The following SND1 variants were observed in gnomAD, a reference collection of about 807,000 sequenced individuals.
SND1 encodes staphylococcal nuclease domain-containing protein 1.
SND1 carries 38 observed loss-of-function variants against 121.7 expected under a neutral mutation model. The observed-to-expected ratio is 0.31, with a 90% CI of 0.24 to 0.41. The LOEUF (loss-of-function observed/expected upper bound fraction) is 0.41, where lower values mean the gene tolerates loss of function less well. SND1 is among the 10% of genes least tolerant of loss of function. SND1 has a pLI of 1.00. For synonymous variants in SND1, 401 were observed against 447.4 expected (o/e 0.90, Z 1.31); for missense variants, 868 against 1,184.6 (o/e 0.73, Z 3.92).
At chr7:127,967,758 G>A (rs750890520) in intron 15 of SND1, among the ~76,000 whole-genome samples, 2 of 152,220 alleles carry the variant, frequency 1.3e-5, no homozygotes, top group African/African-American at 2.4e-5. Flanking sequence ...AACTATAGTT[G>A]CTAAAAAATA....
intron 1 of SND1, among the ~76,000 whole-genome samples, chr7:127,668,493 G>C (rs712706): frequency 6.6e-6 from 1 of 152,178 alleles, no homozygotes; most frequent in Non-Finnish European, 1.5e-5. Flanking sequence ...GACCATGTCT[G>C]TCCTATTCAC....
chr7:127,762,870 A>G (rs1200080607), intron 10 of SND1, among the ~76,000 whole-genome samples: 1 of 152,212 alleles, frequency 6.6e-6, no homozygotes, highest in Non-Finnish European at 1.5e-5. Flanking sequence ...CAATGGCATC[A>G]TGTTTTGCTG....
In SND1 at chr7:128,092,557, C is replaced by G. The variant is rs549239302; in HGVS notation, c.*499C>G. 2.4e-4 allele frequency: 40 copies of G among 163,318 alleles called. No individual in the cohort carries two copies. In the South Asian group the frequency reaches 4.3e-3, roughly 17 times the overall value. The allele number at this position is 163,318 out of a possible 1,614,324, so 10.1% of individuals were successfully genotyped here. A position where few individuals can be genotyped will look rare whatever the true frequency, so the allele number is the denominator to read the frequency against. Reference sequence around the variant, plus strand: ...TGGCCAGCCCATTCTGTATTTAAAGCTTTTGAGGCCCAATAAAATAGTACG... The same window carrying G: ...TGGCCAGCCCATTCTGTATTTAAAGGTTTTGAGGCCCAATAAAATAGTACG... On this transcript the variant is annotated 3_prime_UTR_variant, in exon 24 of 24. Transcript: ENST00000354725. The surrounding 1 kb of genome is among the most constrained non-coding windows in gnomAD (Gnocchi z 4.9).
rs190570836 is a variant in SND1 at position 127,697,042 on chromosome 7, A to T, written c.350-1833A>T. On this transcript the variant is annotated intron_variant, in intron 3 of 23. Coordinates refer to ENST00000354725, the MANE Select transcript of SND1 (RefSeq NM_014390.4). ...GATAATTAGCATTTGTGTTTATTTT[A>T]TTGCTACCCACTTTTTTTTATGATG... 6.3e-3 allele frequency among the ~76,000 whole-genome samples: 954 copies of T among 152,306 alleles called. 5 individuals are homozygous for T. The highest frequency in any genetic ancestry group is 0.034 in the South Asian group (162 of 4,832).
At chr7:127,830,567 T>G (rs938570144) in intron 11 of SND1, among the ~76,000 whole-genome samples, 1 of 152,214 alleles carries the variant, frequency 6.6e-6, no homozygotes, top group Non-Finnish European at 1.5e-5. Context: ...GCTTTTCTAT[T>G]TGGACATCTT....
At chr7:127,976,213 C>G (rs1802116960) in intron 15 of SND1, among the ~76,000 whole-genome samples, 1 of 152,204 alleles carries the variant, frequency 6.6e-6, no homozygotes, top group Non-Finnish European at 1.5e-5. Context: ...AATCAGTCCT[C>G]GCCACTCCCT....
At chr7:127,830,571 A>G (rs1055645629) in intron 11 of SND1, among the ~76,000 whole-genome samples, 8 of 152,068 alleles carry the variant, frequency 5.3e-5, no homozygotes, top group African/African-American at 1.9e-4. Flanking sequence ...TTCTATTTGG[A>G]CATCTTTCCA....
At chr7:128,010,817 C>G (rs1424218230) in intron 16 of SND1, among the ~76,000 whole-genome samples, 1 of 152,190 alleles carries the variant, frequency 6.6e-6, no homozygotes, top group Admixed American at 6.5e-5. Context: ...CCTTCCTTTA[C>G]CCAGTAGTCA....
At chr7:127,693,182 G>A in intron 2 of SND1, among the ~76,000 whole-genome samples, 1 of 152,128 alleles carries the variant, frequency 6.6e-6, no homozygotes, top group East Asian at 1.9e-4. Context: ...CATTGGTTCG[G>A]TGCTGTTTCT....
In SND1 at chr7:127,756,558, T is replaced by C. The variant is rs537680642; in HGVS notation, c.1152+35158T>C. Among the ~76,000 whole-genome samples, 3 of 152,376 alleles carry C rather than the reference T, an allele frequency of 2.0e-5. No individual in the cohort carries two copies. In the South Asian group the frequency reaches 6.2e-4, roughly 32 times the overall value. On this transcript the variant is annotated intron_variant, in intron 10 of 23. Coordinates refer to ENST00000354725, the MANE Select transcript of SND1 (RefSeq NM_014390.4). ...AGCGCCTTTAGGCCTTCCACTGTCC[T>C]TAACTCTGCTTCTTCTTGTATCTTC... is the stretch of plus-strand genomic sequence containing the variant.
intron 10 of SND1, among the ~76,000 whole-genome samples, chr7:127,774,361 TTAATC>T (rs1389145066): frequency 6.6e-6 from 1 of 152,212 alleles, no homozygotes; most frequent in Admixed American, 6.5e-5. Context: ...TAAGCCAAGA[TTAATC>T]TATTATTGAA....
chr7:127,795,254 T>G (rs1321751188), intron 10 of SND1, among the ~76,000 whole-genome samples: 1 of 152,222 alleles, frequency 6.6e-6, no homozygotes, highest in Non-Finnish European at 1.5e-5. Context: ...ACTTCATGCC[T>G]GTATTGCTGC....
At chr7:128,044,650 A>G (rs1328839315) in intron 16 of SND1, among the ~76,000 whole-genome samples, 1 of 96,832 alleles carries the variant, frequency 1.0e-5, no homozygotes, top group African/African-American at 4.1e-5. Flanking sequence ...CCACACACAC[A>G]GACACACACA....
intron 10 of SND1, among the ~76,000 whole-genome samples, chr7:127,769,669 T>TA (rs565376355): frequency 8.7e-5 from 13 of 149,914 alleles, no homozygotes; most frequent in Admixed American, 2.0e-4. Flanking sequence ...GATGGAATCT[T>TA]AAAAAAAAAA....
chr7:127,676,259 G>T (rs192739864), intron 1 of SND1, among the ~76,000 whole-genome samples: 3 of 152,264 alleles, frequency 2.0e-5, no homozygotes, highest in Admixed American at 2.0e-4. Context: ...GGATGAGGAG[G>T]GGAGGAGAGC....
intron 10 of SND1, among the ~76,000 whole-genome samples, chr7:127,732,162 T>C (rs1796689617): frequency 1.3e-5 from 2 of 152,246 alleles, no homozygotes; most frequent in African/African-American, 4.8e-5. Context: ...TTTGTTTCTT[T>C]GTTTGCTTTT....
chr7:127,849,011 G>T (rs1236369216), intron 12 of SND1, among the ~76,000 whole-genome samples: 1 of 152,088 alleles, frequency 6.6e-6, no homozygotes. Flanking sequence ...TAACTTCACT[G>T]TGGAGTTGGC....
At chr7:127,886,421 A>G (rs1799910290) in intron 12 of SND1, among the ~76,000 whole-genome samples, 1 of 152,040 alleles carries the variant, frequency 6.6e-6, no homozygotes, top group Non-Finnish European at 1.5e-5. Context: ...ATAACTTTCT[A>G]AGAACCACTG....
chr7:128,060,636 T>C (rs1456847436), intron 16 of SND1, among the ~76,000 whole-genome samples: 1 of 152,128 alleles, frequency 6.6e-6, no homozygotes, highest in Non-Finnish European at 1.5e-5. Flanking sequence ...GAGCAACTCC[T>C]GAGAGCACTA....
Sources: gnomAD v4.1 joint callset for allele counts (sites outside exome capture counted in the v4.1 genomes callset) on GRCh38, gnomAD v4.1.1 for gene constraint, Gnocchi (gnomAD v3.1) non-coding constraint, MANE v1.5 for transcripts, NCBI Gene and HGNC (gene_info 2026-07-23, HGNC 2026-07-21) for gene names.